PDE1A: variants seen among roughly 807,000 people sequenced by gnomAD.
PDE1A encodes the protein phosphodiesterase 1A.
Under a neutral mutation model 61.7 loss-of-function variants are expected in PDE1A, and 35 were observed. The observed-to-expected ratio is 0.57, with a 90% CI of 0.43 to 0.75. The LOEUF (loss-of-function observed/expected upper bound fraction) is 0.75. Ranked by LOEUF, PDE1A falls within the 30% of genes least tolerant of loss-of-function variation. The probability of loss-of-function intolerance (pLI) is 0.00; values close to 1 mark genes in which losing one functional copy is unlikely to be tolerated. For synonymous variants in PDE1A, 232 were observed against 213.2 expected (o/e 1.09, Z -0.77); for missense variants, 597 against 630.6 (o/e 0.95, Z 0.57).
the PDE1A span, among the ~76,000 whole-genome samples, chr2:182,648,511 C>CAAAAAAAAAAAAAAAAAAAAAAAAAAAA: frequency 4.1e-4 from 31 of 76,210 alleles, no homozygotes; most frequent in Admixed American, 5.2e-4. Flanking sequence ...CCTGTCCCCA[C>CAAAAAAAAAAAAAAAAAAAAAAAAAAAA]AAAAAAAAAA....
chr2:182,504,230 A>G (rs902494246), intron 2 of PDE1A, among the ~76,000 whole-genome samples: 6 of 152,180 alleles, frequency 3.9e-5, no homozygotes, highest in African/African-American at 1.4e-4. Context: ...TGTGAGCTGA[A>G]TTTCTCTTTC....
the PDE1A span, among the ~76,000 whole-genome samples, chr2:182,709,839 C>T: frequency 1.3e-5 from 2 of 152,180 alleles, no homozygotes; most frequent in African/African-American, 2.4e-5. Context: ...ACATCTTTCT[C>T]TTCCCCATCA....
intron 1 of PDE1A, among the ~76,000 whole-genome samples, chr2:182,405,467 A>G (rs1702248552): frequency 6.6e-6 from 1 of 152,226 alleles, no homozygotes; most frequent in African/African-American, 2.4e-5. Flanking sequence ...CACTTGCAGG[A>G]AACTACAAAT....
chr2:182,458,557 C>T (rs1319731476), intron 2 of PDE1A, among the ~76,000 whole-genome samples: 3 of 151,924 alleles, frequency 2.0e-5, no homozygotes, highest in Admixed American at 6.6e-5. Context: ...TTAAATCTTC[C>T]CAATAATGCC....
intron 1 of PDE1A, among the ~76,000 whole-genome samples, chr2:182,364,792 C>T (rs541104595): frequency 2.0e-5 from 3 of 151,974 alleles, no homozygotes; most frequent in African/African-American, 4.8e-5. Context: ...AATAGACTCC[C>T]AGGTGTTGGT....
intron 1 of PDE1A, among the ~76,000 whole-genome samples, chr2:182,323,274 C>T (rs1696818876): frequency 3.3e-5 from 5 of 152,008 alleles, no homozygotes; most frequent in Admixed American, 1.3e-4. Flanking sequence ...CAATGCTGTT[C>T]GATATATTTT....
At chr2:182,532,964 A>AAAAAC in the PDE1A span, among the ~76,000 whole-genome samples, 1 of 149,382 alleles carries the variant, frequency 6.7e-6, no homozygotes, top group Non-Finnish European at 1.5e-5. Flanking sequence ...AAAAAAAAAA[A>AAAAAC]AAAAAAAAAC....
At chr2:182,175,937 A>T (rs1692722533) in intron 13 of PDE1A, among the ~76,000 whole-genome samples, 1 of 143,248 alleles carries the variant, frequency 7.0e-6, no homozygotes, top group African/African-American at 2.8e-5. Flanking sequence ...TTTATTAAAT[A>T]GGGAATCCTT....
chr2:182,394,892 C>T (rs1191244419), intron 1 of PDE1A, among the ~76,000 whole-genome samples: 1 of 152,194 alleles, frequency 6.6e-6, no homozygotes, highest in Admixed American at 6.5e-5. Context: ...TATCACATCC[C>T]TGGAGTGGCT....
downstream of PDE1A, among the ~76,000 whole-genome samples, chr2:182,164,070 C>T (rs1028335644): frequency 2.0e-5 from 3 of 151,926 alleles, no homozygotes; most frequent in Non-Finnish European, 4.4e-5. Flanking sequence ...AGCAAATTAC[C>T]ATGTGACCTG....
At chr2:182,234,908 T>C (rs1223453866) in intron 3 of PDE1A, among the ~76,000 whole-genome samples, 1 of 152,214 alleles carries the variant, frequency 6.6e-6, no homozygotes, top group Non-Finnish European at 1.5e-5. Context: ...TTAAAATATT[T>C]CCTTTATATT....
the PDE1A span, among the ~76,000 whole-genome samples, chr2:182,638,418 C>G: frequency 2.2e-3 from 332 of 152,078 alleles, 1 homozygote; most frequent in Non-Finnish European, 2.8e-3. Context: ...TGCCTGTAAT[C>G]CCAGCTACTC....
intron 11 of PDE1A, among the ~76,000 whole-genome samples, chr2:182,188,336 A>G (rs1685414773): frequency 6.6e-6 from 1 of 152,200 alleles, no homozygotes; most frequent in Non-Finnish European, 1.5e-5. Context: ...TACACAGCTA[A>G]GAAGTGATCC....
intron 2 of PDE1A, among the ~76,000 whole-genome samples, chr2:182,433,858 C>T (rs1704078143): frequency 6.6e-6 from 1 of 152,074 alleles, no homozygotes; most frequent in African/African-American, 2.4e-5. Context: ...TCTTATCCTG[C>T]TGTTTCTGTA....
chr2:182,416,768 T>G (rs1194738227), intron 1 of PDE1A, among the ~76,000 whole-genome samples: 2 of 152,218 alleles, frequency 1.3e-5, no homozygotes, highest in Non-Finnish European at 2.9e-5. Flanking sequence ...CTGGGGATAT[T>G]AATAAGCATT....
chr2:182,228,233 T>C (rs995792994), intron 6 of PDE1A, among the ~76,000 whole-genome samples: 1 of 152,110 alleles, frequency 6.6e-6, no homozygotes, highest in East Asian at 1.9e-4. Context: ...CTCCTCGGCA[T>C]TGTCTACATC....
At chr2:182,197,404 T>C (rs999905419) in intron 10 of PDE1A, among the ~76,000 whole-genome samples, 4 of 151,786 alleles carry the variant, frequency 2.6e-5, no homozygotes, top group Non-Finnish European at 5.9e-5. Flanking sequence ...TGAGTTTTGC[T>C]TTTTTCCACT....
intron 1 of PDE1A, among the ~76,000 whole-genome samples, chr2:182,390,849 C>T (rs2125387026): frequency 6.6e-6 from 1 of 152,316 alleles, no homozygotes; most frequent in South Asian, 2.1e-4. Flanking sequence ...CTACCATCAG[C>T]CTTCTCACCT....
intron 1 of PDE1A, among the ~76,000 whole-genome samples, chr2:182,403,834 G>T (rs1031995337): frequency 5.3e-5 from 8 of 151,956 alleles, no homozygotes; most frequent in African/African-American, 1.9e-4. Context: ...GTCCTGTCAG[G>T]GGGTGGGGGG....
Sources: gnomAD v4.1 joint callset for allele counts (sites outside exome capture counted in the v4.1 genomes callset) on GRCh38, gnomAD v4.1.1 for gene constraint, MANE v1.5 for transcripts, NCBI Gene and HGNC (gene_info 2026-07-23, HGNC 2026-07-21) for gene names.